NDUFS8: variants seen among roughly 807,000 people sequenced by gnomAD.
The protein encoded by NDUFS8 is NADH:ubiquinone oxidoreductase core subunit S8.
NDUFS8 carries 13 observed loss-of-function variants against 25.6 expected under a neutral mutation model. The observed-to-expected ratio is 0.51, with a 90% CI of 0.33 to 0.81. The LOEUF (loss-of-function observed/expected upper bound fraction) is 0.81, where lower values mean the gene tolerates loss of function less well. Ranked by LOEUF, NDUFS8 falls within the 30% of genes least tolerant of loss-of-function variation. The pLI, the probability that NDUFS8 is intolerant of heterozygous loss-of-function variation, is 0.02. For missense variants in NDUFS8, 257 were observed against 300.9 expected, an observed-to-expected ratio of 0.85 and a Z score of 1.08; for synonymous variants, 119 against 119.4, an observed-to-expected ratio of 1.00 and a Z score of 0.02.
rs142154152 is a variant in NDUFS8, at chr11:68,033,127, G to A, written c.216G>A (p.Leu72=). The A allele has an allele frequency of 1.1e-5, 17 of 1,612,862 alleles. No homozygotes were observed. Among genetic ancestry groups the A allele is most frequent in the Non-Finnish European group, 1.4e-5 (16 of 1,179,826 alleles). The change falls in exon 5 of 7, where the codon CTG becomes CTA. Residue 72 remains leucine, a synonymous_variant. Coordinates refer to ENST00000313468, the MANE Select transcript of NDUFS8 (RefSeq NM_002496.4). ...TGCCCACAGGCCTGGGCATGACCCT[G>A]AGCTACCTGTTCCGGGAACCGGCCA... ...TELFRGLGMT[L]SYLFREPATI... is the part of the protein sequence containing the mutation.
In NDUFS8 at chr11:68,036,341, G is replaced by T; in HGVS notation, c.461G>T (p.Gly154Val). ...GACATGACCAAGTGCATCTACTGCGGCTTCTGCCAGGAGGCCTGTCCCGTG... is the reference window on the plus strand; with the variant it reads ...GACATGACCAAGTGCATCTACTGCGTCTTCTGCCAGGAGGCCTGTCCCGTG... ...DIDMTKCIYCGFCQEACPVDA... is the reference protein window; with the variant it reads ...DIDMTKCIYCVFCQEACPVDA... The change falls in exon 6 of 7, where the codon GGC (glycine) becomes GTC (valine). Residue 154 changes from glycine (G) to valine (V), a missense_variant. Gly to Val is a moderately radical substitution (Grantham distance 109). Coordinates refer to ENST00000313468, the MANE Select transcript of NDUFS8 (RefSeq NM_002496.4). The T allele has an allele frequency of 1.2e-6, 2 of 1,613,810 alleles. No homozygotes were observed. Among genetic ancestry groups the T allele is most frequent in the Non-Finnish European group, 1.7e-6 (2 of 1,180,012 alleles).
At chr11:68,032,504 C>T in intron 3 of NDUFS8, 168 bp downstream of exon 3, 1 of 1,517,748 alleles carries the variant, frequency 6.6e-7, no homozygotes, top group Non-Finnish European at 8.8e-7. Flanking sequence ...TTCACAGGGG[C>T]AGGGTCCATC....
intron 2 of NDUFS8, 25 bp from the exon 3 acceptor site, chr11:68,032,261 T>C: frequency 6.2e-7 from 1 of 1,613,822 alleles, no homozygotes. Flanking sequence ...TCTCCTGGTA[T>C]GACGTCACGC....
In NDUFS8 at chr11:68,036,316, G is replaced by A. The variant is rs750075208; in HGVS notation, c.436G>A (p.Asp146Asn). The stretch of plus-strand genomic sequence containing the variant: ...CCGCCGGACCACCCGCTATGACATC[G>A]ACATGACCAAGTGCATCTACTGCGG... ...GSRRTTRYDIDMTKCIYCGFC... is the reference protein window; with the variant it reads ...GSRRTTRYDINMTKCIYCGFC... Residue 146 changes from aspartate (D) to asparagine (N), a missense_variant, in exon 6 of 7, where the codon GAC becomes AAC. By Grantham distance (23) the Asp-to-Asn change is conservative. Transcript: ENST00000313468. 7 of 1,613,636 alleles carry A rather than the reference G, an allele frequency of 4.3e-6. No homozygotes were observed. Among genetic ancestry groups the A allele is most frequent in the Admixed American group, 3.3e-5 (2 of 60,008 alleles).
At chr11:68,032,755 CG>C in intron 3 of NDUFS8, 167 bp from the exon 4 acceptor site, 1 of 835,590 alleles carries the variant, frequency 1.2e-6, no homozygotes, top group Non-Finnish European at 1.9e-6. Context: ...AGGCCAGAGG[CG>C]GCCTCCAGGG....
At chr11:68,030,832 G>C (rs146345841) in intron 1 of NDUFS8, 99 bp downstream of exon 1, 2 of 416,452 alleles carry the variant, frequency 4.8e-6, no homozygotes, top group South Asian at 3.2e-5. Context: ...CTGCGCCTGG[G>C]CTTCCCCTCG....
At chr11:68,032,091 A>C in intron 1 of NDUFS8, 61 bp from the exon 2 acceptor site, 1 of 1,609,744 alleles carries the variant, frequency 6.2e-7, no homozygotes, top group Non-Finnish European at 8.5e-7. Context: ...TTGCGGTGCC[A>C]GTCTCAGAAG....
At chr11:68,032,697 G>C in intron 3 of NDUFS8, 1 of 797,150 alleles carries the variant, frequency 1.3e-6, no homozygotes, top group Non-Finnish European at 2.0e-6. Flanking sequence ...GTGCGTCTGG[G>C]CTCCAATGGC....
intron 1 of NDUFS8, 174 bp downstream of exon 1, chr11:68,030,907 A>G (rs1307225059): frequency 3.6e-5 from 13 of 360,260 alleles, no homozygotes; most frequent in Non-Finnish European, 6.2e-5. Context: ...CTCAGGGCGC[A>G]TGCGCCGCCC....
intron 5 of NDUFS8, among the ~76,000 whole-genome samples, chr11:68,035,449 C>A (rs1357412499): frequency 2.0e-5 from 3 of 152,118 alleles, no homozygotes; most frequent in African/African-American, 7.2e-5. Context: ...AAAACAACAA[C>A]AAAAACTTTA....
At position 68,033,097 on chromosome 11, in the gene NDUFS8, C is replaced by T. The variant is rs373128833; in HGVS notation, c.200-14C>T. 117 of 1,613,026 alleles carry T rather than the reference C, an allele frequency of 7.3e-5. No individual in the cohort carries two copies. In the African/African-American group the frequency reaches 1.2e-3, roughly 17 times the overall value. Reference sequence around the variant, plus strand: ...GGAGGGTGCCCCTGCCCACCACACCCGTGCTGCCCACAGGCCTGGGCATGA... The same window carrying T: ...GGAGGGTGCCCCTGCCCACCACACCTGTGCTGCCCACAGGCCTGGGCATGA... On this transcript the variant is annotated splice_polypyrimidine_tract_variant and intron_variant, in intron 4 of 6. Transcript: ENST00000313468.
At chr11:68,035,392 C>G (rs181888236) in intron 5 of NDUFS8, 2 of 191,008 alleles carry the variant, frequency 1.0e-5, no homozygotes, top group East Asian at 1.8e-4. Flanking sequence ...AGCTGCACCA[C>G]TGTACTCCAG....
intron 5 of NDUFS8, 131 bp downstream of exon 5, chr11:68,033,414 C>G: frequency 9.3e-7 from 1 of 1,078,722 alleles, no homozygotes; most frequent in Non-Finnish European, 1.4e-6. Context: ...CCCTCTGAGC[C>G]ACTTCCCTCG....
intron 5 of NDUFS8, 142 bp downstream of exon 5, chr11:68,033,425 T>A (rs1200133501): frequency 1.0e-6 from 1 of 957,800 alleles, no homozygotes; most frequent in South Asian, 1.4e-5. Context: ...ACTTCCCTCG[T>A]GAATGGGAAT....
chr11:68,032,777 G>C, intron 3 of NDUFS8, 146 bp from the exon 4 acceptor site: 1 of 902,054 alleles, frequency 1.1e-6, no homozygotes. Flanking sequence ...TCCTTGCTGA[G>C]GCTGGGGAGA....
At chr11:68,032,130 C>T in intron 1 of NDUFS8, 22 bp from the exon 2 acceptor site, 2 of 1,611,950 alleles carry the variant, frequency 1.2e-6, no homozygotes, top group South Asian at 2.2e-5. Context: ...ACCCCACCCT[C>T]CATCCCTTTT....
chr11:68,033,352 A>T, intron 5 of NDUFS8, 69 bp downstream of exon 5: 1 of 1,541,844 alleles, frequency 6.5e-7, no homozygotes, highest in Non-Finnish European at 8.7e-7. Context: ...AGGCAGCCCT[A>T]GGCCCAAACC....
At position 68,033,108 on chromosome 11, in the gene NDUFS8, C is replaced by T; in HGVS notation, c.200-3C>T. ...CTGCCCACCACACCCGTGCTGCCCA[C>T]AGGCCTGGGCATGACCCTGAGCTAC... On this transcript the variant is annotated splice_region_variant and splice_polypyrimidine_tract_variant and intron_variant, in intron 4 of 6. Coordinates refer to ENST00000313468, the MANE Select transcript of NDUFS8 (RefSeq NM_002496.4). The T allele has an allele frequency of 6.2e-7, 1 of 1,613,052 alleles. No individual in the cohort carries two copies. Among genetic ancestry groups the T allele is most frequent in the Non-Finnish European group, 8.5e-7 (1 of 1,179,844 alleles).
At chr11:68,030,820 C>A in intron 1 of NDUFS8, 87 bp downstream of exon 1, 1 of 398,646 alleles carries the variant, frequency 2.5e-6, no homozygotes, top group South Asian at 1.7e-5. Flanking sequence ...GCGCCGCCAG[C>A]TCTGCGCCTG....
Sources: allele counts gnomAD v4.1 joint callset (sites outside exome capture counted in the v4.1 genomes callset), GRCh38; gene constraint gnomAD v4.1.1; transcripts MANE v1.5; gene names NCBI Gene and HGNC (gene_info 2026-07-23, HGNC 2026-07-21).